Variants in ANKRD30A observed in about 807,000 individuals in gnomAD.
The protein encoded by ANKRD30A is ankyrin repeat domain 30A.
A neutral mutation model predicts 166.3 loss-of-function variants in ANKRD30A; 170 were observed. The ratio of observed to expected loss-of-function variants is 1.02; its 90% CI spans 0.90 to 1.16. The LOEUF is 1.16. Among genes scored for constraint, ANKRD30A ranks in the 50% most tolerant of loss-of-function variants. The probability of loss-of-function intolerance (pLI) is 0.00; values close to 1 mark genes in which losing one functional copy is unlikely to be tolerated. For missense variants in ANKRD30A, 1,630 were observed against 1,518.0 expected (o/e 1.07, Z -1.23); for synonymous variants, 564 against 508.9 (o/e 1.11, Z -1.46).
chr10:37,222,012 A>G (rs928132222), intron 34 of ANKRD30A, among the ~76,000 whole-genome samples: 2 of 151,440 alleles, frequency 1.3e-5, no homozygotes, highest in African/African-American at 4.8e-5. Flanking sequence ...GATCATGTAT[A>G]GTATGCATTC....
At chr10:37,132,843 C>G (rs915569260) in intron 4 of ANKRD30A, among the ~76,000 whole-genome samples, 4 of 152,100 alleles carry the variant, frequency 2.6e-5, no homozygotes, top group Admixed American at 6.6e-5. Context: ...ACTAAAAATA[C>G]AAAAATTAGC....
At position 37,219,749 on chromosome 10, in the gene ANKRD30A, A is replaced by T; in HGVS notation, c.4037A>T (p.Asn1346Ile). ...GTTCATGCACATAAGAAAGCTGACA[A>T]CAAAAGCAAGATAACAATTGATATT... ...QLVHAHKKAD[N>I]KSKITIDIHF... The change falls in exon 34 of 36, where the codon AAC becomes ATC. Residue 1346 changes from asparagine to isoleucine, a missense_variant. Transcript: ENST00000361713. 1 of 1,609,044 alleles carries T rather than the reference A, an allele frequency of 6.2e-7. No homozygotes were observed. The highest frequency in any genetic ancestry group is 8.5e-7 in the Non-Finnish European group (1 of 1,176,904).
chr10:37,193,323 G>C (rs1430485949), intron 27 of ANKRD30A, 65 bp downstream of exon 27: 3 of 1,511,136 alleles, frequency 2.0e-6, no homozygotes, highest in Middle Eastern at 1.8e-4. Flanking sequence ...AATGCTGTGA[G>C]ACTTTTCATT....
chr10:37,223,842 A>G (rs1009936757), intron 34 of ANKRD30A, among the ~76,000 whole-genome samples: 10 of 151,150 alleles, frequency 6.6e-5, no homozygotes, highest in Non-Finnish European at 1.3e-4. Context: ...GAAAAGAGAA[A>G]TTAAACATAT....
chr10:37,254,498 C>G, the ANKRD30A span, among the ~76,000 whole-genome samples: 1 of 151,902 alleles, frequency 6.6e-6, no homozygotes, highest in African/African-American at 2.4e-5. Flanking sequence ...TGCACTTATT[C>G]GACACTTATA....
At chr10:37,206,147 AT>A (rs1841978473) in intron 31 of ANKRD30A, among the ~76,000 whole-genome samples, 1 of 152,176 alleles carries the variant, frequency 6.6e-6, no homozygotes, top group Admixed American at 6.5e-5. Context: ...AAGACCACAG[AT>A]CCAGATCCGG....
intron 32 of ANKRD30A, 78 bp from the exon 33 acceptor site, chr10:37,217,617 A>G: frequency 8.2e-7 from 1 of 1,213,818 alleles, no homozygotes; most frequent in South Asian, 1.8e-5. Context: ...TAATAACCCA[A>G]TATAGGAAGA....
chr10:37,253,986 C>T, the ANKRD30A span, among the ~76,000 whole-genome samples: 147 of 152,174 alleles, frequency 9.7e-4, 4 homozygotes, highest in East Asian at 0.024. Context: ...CATGTTGTAG[C>T]GTGTATCAGC....
chr10:37,211,302 G>A (rs1842300355), intron 31 of ANKRD30A, among the ~76,000 whole-genome samples: 1 of 151,698 alleles, frequency 6.6e-6, no homozygotes, highest in Non-Finnish European at 1.5e-5. Context: ...CCCCACAACA[G>A]GCCCTGGTGT....
At chr10:37,209,071 C>T (rs564933136) in intron 31 of ANKRD30A, among the ~76,000 whole-genome samples, 14 of 152,200 alleles carry the variant, frequency 9.2e-5, no homozygotes, top group Admixed American at 2.0e-4. Context: ...ACAGTTTATA[C>T]ACTCATCTTT....
chr10:37,131,054 A>G (rs1028579196), intron 3 of ANKRD30A, among the ~76,000 whole-genome samples: 7 of 152,162 alleles, frequency 4.6e-5, no homozygotes, highest in African/African-American at 1.7e-4. Flanking sequence ...TTTTTAAACA[A>G]TGATTTTTCT....
chr10:37,249,675 A>G, the ANKRD30A span, among the ~76,000 whole-genome samples: 1 of 152,158 alleles, frequency 6.6e-6, no homozygotes, highest in Non-Finnish European at 1.5e-5. Context: ...TAATGAAACT[A>G]AAGTGGGGAA....
intron 27 of ANKRD30A, 72 bp from the exon 28 acceptor site, chr10:37,197,209 A>G: frequency 1.3e-6 from 2 of 1,586,944 alleles, no homozygotes; most frequent in Non-Finnish European, 1.7e-6. Flanking sequence ...GTTAGATACT[A>G]TCACGGCATT....
chr10:37,159,055 A>T (rs1190740325), intron 15 of ANKRD30A, among the ~76,000 whole-genome samples: 1 of 152,198 alleles, frequency 6.6e-6, no homozygotes, highest in African/African-American at 2.4e-5. Context: ...ATTTTAAAAA[A>T]TCAGTCAAGC....
chr10:37,154,209 A>T (rs1406338465), intron 13 of ANKRD30A, among the ~76,000 whole-genome samples: 3 of 152,202 alleles, frequency 2.0e-5, no homozygotes, highest in Non-Finnish European at 4.4e-5. Context: ...TATTTGCAAT[A>T]GGTGAGAATA....
chr10:37,225,818 T>A (rs1843121713), intron 34 of ANKRD30A, among the ~76,000 whole-genome samples: 1 of 151,848 alleles, frequency 6.6e-6, no homozygotes, highest in Non-Finnish European at 1.5e-5. Context: ...TAGTGAGATA[T>A]AATTAACATG....
At chr10:37,133,458 A>G (rs1456243169) in intron 4 of ANKRD30A, among the ~76,000 whole-genome samples, 1 of 152,210 alleles carries the variant, frequency 6.6e-6, no homozygotes, top group Non-Finnish European at 1.5e-5. Flanking sequence ...TGTCAACAGC[A>G]TTTAATTCAG....
the ANKRD30A span, among the ~76,000 whole-genome samples, chr10:37,246,001 C>T: frequency 5.1e-3 from 784 of 152,262 alleles, 11 homozygotes; most frequent in Admixed American, 0.029. Flanking sequence ...CAGGCTCACT[C>T]AGGATAATTT....
the ANKRD30A span, among the ~76,000 whole-genome samples, chr10:37,263,778 T>TG: frequency 1.5e-4 from 23 of 152,232 alleles, no homozygotes; most frequent in African/African-American, 5.1e-4. Context: ...TACCAGTCCA[T>TG]GGCCTGTGTC....
Sources: allele counts gnomAD v4.1 joint callset (sites outside exome capture counted in the v4.1 genomes callset), GRCh38; gene constraint gnomAD v4.1.1; transcripts MANE v1.5; gene names NCBI Gene and HGNC (gene_info 2026-07-23, HGNC 2026-07-21).